Variants in YIPF1 observed in about 807,000 individuals in gnomAD.
YIPF1 encodes Yip1 domain family member 1.
In YIPF1, 22 loss-of-function variants were observed where a neutral mutation model predicts 37.0. That is an observed-to-expected ratio of 0.59 (90% CI 0.42 to 0.85). The LOEUF (loss-of-function observed/expected upper bound fraction) is 0.85. Ranked by LOEUF, YIPF1 falls within the 40% of genes least tolerant of loss-of-function variation. YIPF1 has a pLI of 0.00. For missense variants in YIPF1, 355 were observed against 373.1 expected (o/e 0.95, Z 0.40); for synonymous variants, 128 against 131.9 (o/e 0.97, Z 0.21).
At chr1:53,888,224 A>AAAAG (rs1650708273) in intron 3 of YIPF1, among the ~76,000 whole-genome samples, 1 of 151,280 alleles carries the variant, frequency 6.6e-6, no homozygotes. Context: ...AGACTCCATC[A>AAAAG]AAAGAAACAA....
chr1:53,866,415 C>T, intron 8 of YIPF1, 33 bp from the exon 9 acceptor site: 3 of 1,603,628 alleles, frequency 1.9e-6, no homozygotes, highest in Non-Finnish European at 2.6e-6. Flanking sequence ...GCGGGGAGTT[C>T]TTGGGAGGCA....
At position 53,889,302 on chromosome 1, in the gene YIPF1, C is replaced by A; in HGVS notation, c.-108G>T. On this transcript the variant is annotated 5_prime_UTR_variant, in exon 2 of 11. Coordinates refer to ENST00000072644, the MANE Select transcript of YIPF1 (RefSeq NM_018982.5). The stretch of plus-strand genomic sequence containing the variant: ...AGATGTAACGATGAGGAAGGAGAGG[C>A]TGAGGTTTGAAAGAGGTGATGGGGA... 5.1e-6 allele frequency: 1 copy of A among 194,578 alleles called. No individual in the cohort carries two copies. The highest frequency in any genetic ancestry group is 2.3e-5 in the African/African-American group (1 of 43,388). The allele number at this position is 194,578 out of a possible 1,614,324, so 12.1% of individuals were successfully genotyped here.
chr1:53,885,819 CAAAAAAAAAAAA>C lies in YIPF1; in HGVS notation c.32-2555_32-2544del, dbSNP rs55998099. On this transcript the variant is annotated intron_variant, in intron 3 of 10. Coordinates refer to ENST00000072644, the MANE Select transcript of YIPF1 (RefSeq NM_018982.5). ...TGGGTGACAGAGCGAGACTCGGTCTCAAAAAAAAAAAAAAAAAAAGAGAGAAAAAGAGTATAA... is the reference window on the plus strand; with the variant it reads ...TGGGTGACAGAGCGAGACTCGGTCTCAAAAAAAGAGAGAAAAAGAGTATAA... 1.4e-4 allele frequency among the ~76,000 whole-genome samples: 12 copies of C among 83,890 alleles called. 1 individual carries two copies. Among genetic ancestry groups the C allele is most frequent in the African/African-American group, 6.0e-4 (12 of 20,058 alleles). The allele number at this position is 83,890 out of a possible 152,430, so 55.0% of individuals were successfully genotyped here.
chr1:53,868,311 G>T (rs1650085637), intron 7 of YIPF1, among the ~76,000 whole-genome samples: 1 of 152,136 alleles, frequency 6.6e-6, no homozygotes, highest in Non-Finnish European at 1.5e-5. Flanking sequence ...TAATGGTCAA[G>T]GGCACAGACT....
chr1:53,855,639 C>T (rs185762750), intron 10 of YIPF1, among the ~76,000 whole-genome samples: 6 of 152,236 alleles, frequency 3.9e-5, no homozygotes, highest in Admixed American at 1.3e-4. Context: ...TTACATCTGC[C>T]TGCTGTATTC....
intron 6 of YIPF1, among the ~76,000 whole-genome samples, chr1:53,875,282 A>C (rs531882653): frequency 6.6e-6 from 1 of 152,296 alleles, no homozygotes; most frequent in South Asian, 2.1e-4. Context: ...TGGGAGGGTA[A>C]GGCAGGAGGA....
At chr1:53,872,583 A>G (rs1397228976) in intron 6 of YIPF1, among the ~76,000 whole-genome samples, 1 of 152,232 alleles carries the variant, frequency 6.6e-6, no homozygotes, top group African/African-American at 2.4e-5. Context: ...CTTTAGATTG[A>G]GAGATTTTAA....
At chr1:53,863,171 A>C (rs950227164) in intron 9 of YIPF1, among the ~76,000 whole-genome samples, 2 of 152,224 alleles carry the variant, frequency 1.3e-5, no homozygotes, top group Admixed American at 1.3e-4. Context: ...TTACAGACTG[A>C]ACAGCCTCTT....
chr1:53,853,204 A>C (rs1022073335), intron 10 of YIPF1, among the ~76,000 whole-genome samples: 4 of 152,372 alleles, frequency 2.6e-5, no homozygotes, highest in African/African-American at 4.8e-5. Context: ...TCAAGGAACC[A>C]GTCTACCAAG....
intron 6 of YIPF1, among the ~76,000 whole-genome samples, chr1:53,876,336 T>C (rs771851103): frequency 1.3e-5 from 2 of 152,216 alleles, no homozygotes; most frequent in Non-Finnish European, 2.9e-5. Context: ...GTTTATTTTG[T>C]TGTGTAGAAA....
chr1:53,866,727 T>G, intron 8 of YIPF1, 31 bp downstream of exon 8: 2 of 1,592,394 alleles, frequency 1.3e-6, no homozygotes, highest in Non-Finnish European at 1.7e-6. Context: ...AGAGCATCAC[T>G]CAGAATCTAC....
Position 53,886,379 on chromosome 1 carries a change from A to G in YIPF1, c.31+2528T>C, listed in dbSNP as rs371806696. ...TCCATCTCAGCTCCTTGAGCATAAA[A>G]CTGGTATGTGTCTTATTTCTGCCAC... is the stretch of plus-strand genomic sequence containing the variant. On this transcript the variant is annotated intron_variant, in intron 3 of 10. Transcript: ENST00000072644. Among the ~76,000 whole-genome samples, 4 of 151,940 alleles carry G rather than the reference A, an allele frequency of 2.6e-5. 1 individual carries two copies. Among genetic ancestry groups the G allele is most frequent in the African/African-American group, 9.7e-5 (4 of 41,250 alleles).
At chr1:53,884,226 C>G (rs1650578914) in intron 3 of YIPF1, among the ~76,000 whole-genome samples, 1 of 100,286 alleles carries the variant, frequency 1.0e-5, no homozygotes, top group African/African-American at 4.7e-5. Context: ...GAGAGTAAGA[C>G]TTTGTCTCAA....
chr1:53,870,049 A>G (rs1418222181), intron 7 of YIPF1, among the ~76,000 whole-genome samples: 2 of 150,260 alleles, frequency 1.3e-5, no homozygotes, highest in African/African-American at 4.9e-5. Flanking sequence ...TTTAGTAGAG[A>G]CGGGTTTCAC....
chr1:53,878,746 A>C, intron 4 of YIPF1, 24 bp from the exon 5 acceptor site: 1 of 1,585,060 alleles, frequency 6.3e-7, no homozygotes, highest in Non-Finnish European at 8.5e-7. Flanking sequence ...AATAAAACAT[A>C]ATGAACACAT....
chr1:53,874,862 T>C (rs1569635396), intron 6 of YIPF1, among the ~76,000 whole-genome samples: 1 of 152,226 alleles, frequency 6.6e-6, no homozygotes. Flanking sequence ...TCTATATTTA[T>C]GCTTTTAGCT....
chr1:53,854,657 G>A (rs1324995954), intron 10 of YIPF1, among the ~76,000 whole-genome samples: 2 of 152,272 alleles, frequency 1.3e-5, no homozygotes, highest in African/African-American at 2.4e-5. Flanking sequence ...TCTGTGTGGC[G>A]TATGAGATGT....
At chr1:53,873,586 G>A (rs868233023) in intron 6 of YIPF1, among the ~76,000 whole-genome samples, 1 of 152,090 alleles carries the variant, frequency 6.6e-6, no homozygotes, top group Non-Finnish European at 1.5e-5. Context: ...ACTGAGGTGA[G>A]AGGGTCACTT....
intron 6 of YIPF1, among the ~76,000 whole-genome samples, chr1:53,874,948 T>C (rs61774830): frequency 1.3e-5 from 2 of 152,184 alleles, no homozygotes; most frequent in Non-Finnish European, 2.9e-5. Context: ...TGCTGATGGA[T>C]ATCTTGGTTG....
Sources: gnomAD v4.1 joint callset for allele counts (sites outside exome capture counted in the v4.1 genomes callset) on GRCh38, gnomAD v4.1.1 for gene constraint, MANE v1.5 for transcripts, NCBI Gene and HGNC (gene_info 2026-07-23, HGNC 2026-07-21) for gene names.